TCF12: variants seen among roughly 807,000 people sequenced by gnomAD.
TCF12 encodes transcription factor 12.
Under a neutral mutation model 86.0 loss-of-function variants are expected in TCF12, and 45 were observed. That is an observed-to-expected ratio of 0.52 (90% CI 0.41 to 0.67). The LOEUF (loss-of-function observed/expected upper bound fraction) is 0.67. Among genes scored for constraint, TCF12 ranks in the 30% least tolerant of loss-of-function variants. The pLI is 0.00. For missense variants in TCF12, 881 were observed against 859.9 expected (o/e 1.02, Z -0.31); for synonymous variants, 330 against 299.6 (o/e 1.10, Z -1.05).
intron 12 of TCF12, among the ~76,000 whole-genome samples, chr15:57,235,887 A>C (rs1359810439): frequency 6.6e-6 from 1 of 152,142 alleles, no homozygotes; most frequent in Non-Finnish European, 1.5e-5. Flanking sequence ...TGGCCCTTCA[A>C]GTTCATTTTG....
intron 19 of TCF12, among the ~76,000 whole-genome samples, chr15:57,277,955 G>T (rs1294607694): frequency 1.3e-5 from 2 of 151,438 alleles, no homozygotes. Flanking sequence ...AAAAAAAAAA[G>T]ATATATCAGA....
At chr15:56,932,715 C>T (rs1595732924) in intron 3 of TCF12, among the ~76,000 whole-genome samples, 1 of 151,978 alleles carries the variant, frequency 6.6e-6, no homozygotes, top group African/African-American at 2.4e-5. Flanking sequence ...ATTACAGGCA[C>T]CTGCCACCAC....
At chr15:56,997,246 G>T (rs2141014977) in intron 3 of TCF12, among the ~76,000 whole-genome samples, 1 of 152,322 alleles carries the variant, frequency 6.6e-6, no homozygotes, top group African/African-American at 2.4e-5. Flanking sequence ...GTGGTGGATT[G>T]GGTAGAGAAA....
At chr15:57,249,171 T>C (rs769126932) in intron 13 of TCF12, among the ~76,000 whole-genome samples, 10 of 152,242 alleles carry the variant, frequency 6.6e-5, no homozygotes, top group African/African-American at 2.4e-4. Context: ...AAAGCAGTAA[T>C]GCACTGAAAT....
At chr15:57,205,604 T>C (rs1405181932) in intron 8 of TCF12, among the ~76,000 whole-genome samples, 1 of 151,004 alleles carries the variant, frequency 6.6e-6, no homozygotes, top group Non-Finnish European at 1.5e-5. Context: ...TCTCTGACCT[T>C]ACAGGTCAGA....
In TCF12 at chr15:57,243,487, C is replaced by G. The variant is rs750328916; in HGVS notation, c.1051C>G (p.His351Asp). ...TTCTGGTTAGATTTATTCTCCTGAC[C>G]ATACCAGCAGTAGTTTTCCGTCAAA... Reference protein sequence around the residue: ...KALASIYSPDHTSSSFPSNPS... With the variant: ...KALASIYSPDDTSSSFPSNPS... Residue 351 changes from histidine to aspartate, a missense_variant, in exon 13 of 21, where the codon CAT becomes GAT. By Grantham distance (81) the His-to-Asp change is moderately conservative (BLOSUM62 -1). Coordinates refer to ENST00000333725, the MANE Select transcript of TCF12 (RefSeq NM_207037.2). 2.5e-6 allele frequency: 4 copies of G among 1,613,798 alleles called. No individual in the cohort carries two copies. Among genetic ancestry groups the G allele is most frequent in the Non-Finnish European group, 3.4e-6 (4 of 1,179,816 alleles).
intron 3 of TCF12, among the ~76,000 whole-genome samples, chr15:57,050,187 G>A (rs531965777): frequency 2.0e-5 from 3 of 152,046 alleles, no homozygotes; most frequent in East Asian, 1.9e-4. Flanking sequence ...GAACAATCAC[G>A]TGCATTTTAA....
At chr15:56,973,878 TA>T (rs1289809853) in intron 3 of TCF12, among the ~76,000 whole-genome samples, 5 of 152,124 alleles carry the variant, frequency 3.3e-5, no homozygotes, top group African/African-American at 1.2e-4. Context: ...ACTTTTGTGT[TA>T]TTCCTGCCAA....
At chr15:57,048,975 G>A (rs1026980321) in intron 3 of TCF12, among the ~76,000 whole-genome samples, 3 of 152,204 alleles carry the variant, frequency 2.0e-5, no homozygotes, top group Non-Finnish European at 4.4e-5. Context: ...GCTGCTGGAA[G>A]TGTTGGTGAA....
At chr15:56,934,361 T>C (rs113665934) in intron 3 of TCF12, among the ~76,000 whole-genome samples, 28 of 152,328 alleles carry the variant, frequency 1.8e-4, no homozygotes, top group Non-Finnish European at 3.7e-4. Context: ...AAAGTTCAGA[T>C]ACACTTTTAT....
intron 5 of TCF12, 81 bp from the exon 6 acceptor site, chr15:57,166,321 A>G (rs2054887944): frequency 1.2e-5 from 14 of 1,136,784 alleles, no homozygotes; most frequent in Admixed American, 9.1e-5. Flanking sequence ...CTGCAATATA[A>G]TTACCATGAA....
At chr15:57,018,979 G>A (rs762167876) in intron 3 of TCF12, among the ~76,000 whole-genome samples, 4 of 152,120 alleles carry the variant, frequency 2.6e-5, no homozygotes, top group Admixed American at 6.6e-5. Context: ...TAAGGCTTAC[G>A]AGACAATTAA....
chr15:57,192,759 A>G (rs115038911), intron 7 of TCF12, among the ~76,000 whole-genome samples: 2,167 of 152,334 alleles, frequency 0.014, 59 homozygotes, highest in African/African-American at 0.045. Context: ...TATTTGCACA[A>G]GAATAATACA....
intron 18 of TCF12, among the ~76,000 whole-genome samples, chr15:57,272,612 C>A (rs1173756157): frequency 1.3e-5 from 2 of 152,206 alleles, no homozygotes; most frequent in African/African-American, 4.8e-5. Context: ...AATGCAGCTT[C>A]TAATTCAGTA....
intron 13 of TCF12, among the ~76,000 whole-genome samples, chr15:57,244,765 A>G (rs1284056737): frequency 6.6e-6 from 1 of 151,198 alleles, no homozygotes; most frequent in Admixed American, 6.6e-5. Context: ...CGCCCGGCCC[A>G]CATGTTTTTT....
chr15:57,049,370 T>C (rs2067458667), intron 3 of TCF12, among the ~76,000 whole-genome samples: 1 of 152,224 alleles, frequency 6.6e-6, no homozygotes, highest in African/African-American at 2.4e-5. Context: ...CATGTCTGCT[T>C]CCAGTCAACC....
chr15:57,197,271 C>T (rs2057318235), intron 7 of TCF12, among the ~76,000 whole-genome samples: 1 of 149,390 alleles, frequency 6.7e-6, no homozygotes, highest in African/African-American at 2.5e-5. Context: ...ATTCTCCTGC[C>T]TCAACCTCCC....
At chr15:57,290,262 G>GA (rs1300824754), downstream of TCF12, among the ~76,000 whole-genome samples, 1 of 149,578 alleles carries the variant, frequency 6.7e-6, no homozygotes, top group Non-Finnish European at 1.5e-5. Flanking sequence ...AGAATCACTT[G>GA]AACCCGGGAG....
intron 3 of TCF12, among the ~76,000 whole-genome samples, chr15:56,968,994 C>G (rs2062150371): frequency 6.6e-6 from 1 of 152,162 alleles, no homozygotes; most frequent in South Asian, 2.1e-4. Flanking sequence ...TTTAGTCTGG[C>G]TCAGTTAATC....
Sources: allele counts gnomAD v4.1 joint callset (sites outside exome capture counted in the v4.1 genomes callset), GRCh38; gene constraint gnomAD v4.1.1; transcripts MANE v1.5; gene names NCBI Gene and HGNC (gene_info 2026-07-23, HGNC 2026-07-21).